SLC6A19: variants seen among roughly 807,000 people sequenced by gnomAD.
The protein encoded by SLC6A19 is solute carrier family 6 member 19, also known as sodium-dependent neutral amino acid transporter B(0)AT1.
In SLC6A19, 67 loss-of-function variants were observed where a neutral mutation model predicts 68.3. The observed-to-expected ratio is 0.98, with a 90% CI of 0.81 to 1.20. The LOEUF (loss-of-function observed/expected upper bound fraction) is 1.20, where lower values mean the gene tolerates loss of function less well. SLC6A19 is among the 50% of genes most tolerant of loss of function. SLC6A19 has a pLI of 0.00. For missense variants in SLC6A19, 813 were observed against 851.6 expected (o/e 0.95, Z 0.56); for synonymous variants, 392 against 374.9 (o/e 1.05, Z -0.53).
At chr5:1,219,763 G>C in intron 10 of SLC6A19, 99 bp downstream of exon 10, 1 of 1,536,070 alleles carries the variant, frequency 6.5e-7, no homozygotes, top group Non-Finnish European at 8.9e-7. Flanking sequence ...GGGTACGGAG[G>C]GAGAGTCTAT....
At chr5:1,211,483 G>C (rs1446720418) in intron 3 of SLC6A19, among the ~76,000 whole-genome samples, 1 of 152,232 alleles carries the variant, frequency 6.6e-6, no homozygotes, top group African/African-American at 2.4e-5. Flanking sequence ...TGAGGCCCAG[G>C]GTGCACCTGA....
rs1198673728 is a variant in SLC6A19 at position 1,212,935 on chromosome 5, C to G, written c.663+451C>G. Reference sequence around the variant, plus strand: ...CCGGCAGCCTGTGAGGCCCTGTCCCCGTTCCCACTCGTCCCACATGCCCCC... The same window carrying G: ...CCGGCAGCCTGTGAGGCCCTGTCCCGGTTCCCACTCGTCCCACATGCCCCC... On this transcript the variant is annotated intron_variant, in intron 4 of 11. Transcript: ENST00000304460. This position sits in a 1 kb window ranked among gnomAD's most constrained non-coding sequence, Gnocchi z 5.1. Among the ~76,000 whole-genome samples the G allele has an allele frequency of 6.6e-6, 1 of 151,824 alleles. No homozygotes were observed. The highest frequency in any genetic ancestry group is 1.9e-4 in the East Asian group (1 of 5,164).
In SLC6A19 at chr5:1,201,620, C is replaced by T. The variant is rs761298426; in HGVS notation, c.-31C>T. 1.1e-4 allele frequency: 171 copies of T among 1,592,970 alleles called. No homozygotes were observed. In the East Asian group the frequency reaches 2.6e-3, roughly 24 times the overall value. ...ACTCGCCCTCCAGCTTCTGCCCTGC[C>T]TGCTGTGTGCGGAGCCGTCCAGCGA... On this transcript the variant is annotated 5_prime_UTR_variant, in exon 1 of 12. Coordinates refer to ENST00000304460, the MANE Select transcript of SLC6A19 (RefSeq NM_001003841.3).
chr5:1,201,959 C>G, intron 1 of SLC6A19, 107 bp downstream of exon 1: 2 of 1,397,332 alleles, frequency 1.4e-6, no homozygotes, highest in Non-Finnish European at 1.9e-6. Flanking sequence ...TCCCCAAGCA[C>G]GGAGGGGAGA....
chr5:1,210,211 C>T (rs374726080), intron 2 of SLC6A19, among the ~76,000 whole-genome samples: 3 of 65,650 alleles, frequency 4.6e-5, no homozygotes, highest in African/African-American at 7.3e-5. Context: ...GCCGGGAAGG[C>T]GTGTGCAGGG....
intron 8 of SLC6A19, 93 bp downstream of exon 8, chr5:1,217,038 C>T (rs1028463409): frequency 3.8e-6 from 6 of 1,587,832 alleles, no homozygotes; most frequent in Admixed American, 1.7e-5. Flanking sequence ...CTGTGGAGGA[C>T]GCAGATGCTG....
chr5:1,219,124 G>T lies in SLC6A19; in HGVS notation c.1378+17G>T. 1 of 1,602,142 alleles carries T rather than the reference G, an allele frequency of 6.2e-7. No homozygotes were observed. Among genetic ancestry groups the T allele is most frequent in the African/African-American group, 1.3e-5 (1 of 74,832 alleles). On this transcript the variant is annotated intron_variant, in intron 9 of 11. Coordinates refer to ENST00000304460, the MANE Select transcript of SLC6A19 (RefSeq NM_001003841.3). ...TGCTCACAGGTACGTGTGCAGTCGG[G>T]AGGGGTCCCCATGGCAATGGTGCCA...
chr5:1,222,725 A>G lies in SLC6A19; in HGVS notation c.*821A>G, dbSNP rs1338518965. 1 of 160,112 alleles carries G rather than the reference A, an allele frequency of 6.2e-6. No homozygotes were observed. The highest frequency in any genetic ancestry group is 2.4e-5 in the African/African-American group (1 of 41,646). The allele number at this position is 160,112 out of a possible 1,614,324, so 9.9% of individuals were successfully genotyped here. On this transcript the variant is annotated 3_prime_UTR_variant, in exon 12 of 12. Transcript: ENST00000304460. ...GACACACATATGGACACGTGTGGAT[A>G]TGTGTGCGTACACGTCGCTGGGACA...
rs557938085 is a variant in SLC6A19, at chr5:1,221,980, G to A, written c.*76G>A. 6.5e-5 allele frequency: 98 copies of A among 1,515,534 alleles called. No homozygotes were observed. Among genetic ancestry groups the A allele is most frequent in the South Asian group, 5.5e-4 (47 of 84,910 alleles). The allele number at this position is 1,515,534 out of a possible 1,614,324, so 93.9% of individuals were successfully genotyped here. A position where few individuals can be genotyped will look rare whatever the true frequency, so the allele number is the denominator to read the frequency against. On this transcript the variant is annotated 3_prime_UTR_variant, in exon 12 of 12. Coordinates refer to ENST00000304460, the MANE Select transcript of SLC6A19 (RefSeq NM_001003841.3). Reference sequence around the variant, plus strand: ...CAGCAAGACCTGTGGGGTGGGGGCCGGGCTGCACCTGCATGTGTGTAAGCG... The same window carrying A: ...CAGCAAGACCTGTGGGGTGGGGGCCAGGCTGCACCTGCATGTGTGTAAGCG...
Position 1,214,457 on chromosome 5 carries a change from A to T in SLC6A19, c.887+392A>T, listed in dbSNP as rs73032885. On this transcript the variant is annotated intron_variant, in intron 6 of 11. Transcript: ENST00000304460. This position sits in a 1 kb window ranked among gnomAD's most constrained non-coding sequence, Gnocchi z 7.4. ...CCTCCACGTCCCCGACCAAGGTCTG[A>T]TCCTTCCACTGCCCCTTCCCCACGT... 0.077 allele frequency among the ~76,000 whole-genome samples: 11,656 copies of T among 152,152 alleles called. 1,336 individuals are homozygous for T. The highest frequency in any genetic ancestry group is 0.25 in the African/African-American group (10,427 of 41,472).
chr5:1,221,251 C>CTCT lies in SLC6A19; in HGVS notation c.1648_1650dup (p.Phe550dup). ...CCCCCTGCTCATGCTGATCATCTTC[C>CTCT]TCTTCTTCTTCGTGGTAGAGGTCAG... On this transcript the variant is annotated inframe_insertion, in exon 11 of 12. Transcript: ENST00000304460. The CTCT allele has an allele frequency of 1.2e-6, 2 of 1,614,156 alleles. No individual in the cohort carries two copies. The highest frequency in any genetic ancestry group is 2.2e-5 in the East Asian group (1 of 44,884).
rs202217098 is a variant in SLC6A19, at chr5:1,213,971, C to T, written c.793C>T (p.Pro265Ser). The change falls in exon 6 of 12, where the codon CCG becomes TCG. Residue 265 changes from proline (P) to serine (S), a missense_variant. Physicochemically the swap from Pro to Ser is moderately conservative, Grantham distance 74. Coordinates refer to ENST00000304460, the MANE Select transcript of SLC6A19 (RefSeq NM_001003841.3). ...FTPNVTELAQ[P>S]DTWLDAGAQV... is the part of the protein sequence containing the mutation. ...GGCGCAGGTCACGGAGCTGGCCCAG[C>T]CGGACACCTGGCTGGACGCGGGCGC... The T allele has an allele frequency of 5.6e-6, 9 of 1,613,450 alleles. 1 individual carries two copies. The Middle Eastern group carries it at 4.9e-4, about 89-fold the overall frequency.
At position 1,201,820 on chromosome 5, in the gene SLC6A19, G is replaced by C. The variant is rs146608591; in HGVS notation, c.170G>C (p.Arg57Pro). The change falls in exon 1 of 12, where the codon CGC becomes CCC. Residue 57 changes from arginine to proline, a missense_variant. Coordinates refer to ENST00000304460, the MANE Select transcript of SLC6A19 (RefSeq NM_001003841.3). ...GFCVGLGNVWRFPYLCQSHGG... is the reference protein window; with the variant it reads ...GFCVGLGNVWPFPYLCQSHGG... ...TGCGTGGGCCTCGGCAACGTGTGGC[G>C]CTTCCCCTACCTGTGTCAGAGCCAC... The C allele has an allele frequency of 6.8e-6, 11 of 1,611,828 alleles. No homozygotes were observed. Among genetic ancestry groups the C allele is most frequent in the Middle Eastern group, 1.6e-4 (1 of 6,078 alleles).
At chr5:1,205,198 G>A (rs13170093) in intron 1 of SLC6A19, among the ~76,000 whole-genome samples, 11 of 152,198 alleles carry the variant, frequency 7.2e-5, no homozygotes, top group African/African-American at 9.7e-5. Flanking sequence ...GCAGAGCCAC[G>A]CAGTGTTCCC....
At chr5:1,201,946 G>A (rs747515133) in intron 1 of SLC6A19, 94 bp downstream of exon 1, 134 of 1,447,910 alleles carry the variant, frequency 9.3e-5, no homozygotes, top group African/African-American at 3.9e-4. Context: ...CCGGACCCTC[G>A]GCTCCCCAAG....
Position 1,212,416 on chromosome 5 carries a change from C to T in SLC6A19, c.595C>T (p.Leu199=), listed in dbSNP as rs550182623. The T allele has an allele frequency of 1.2e-4, 187 of 1,612,652 alleles. 4 individuals carry two copies. The South Asian group carries it at 1.7e-3, about 15-fold the overall frequency. Residue 199 remains leucine (L), a synonymous_variant, in exon 4 of 12, where the codon CTG becomes TTG. Coordinates refer to ENST00000304460, the MANE Select transcript of SLC6A19 (RefSeq NM_001003841.3). The surrounding 1 kb of genome is among the most constrained non-coding windows in gnomAD (Gnocchi z 5.1). The stretch of plus-strand genomic sequence containing the variant: ...GGGCTCCATCCAGTGGTGGATGCTG[C>T]TGTGCCTGGCCTGCGCATGGAGCGT... ...DSGSIQWWML[L]CLACAWSVLY... is the part of the protein sequence containing the mutation.
intron 1 of SLC6A19, among the ~76,000 whole-genome samples, chr5:1,204,451 G>A (rs1376869567): frequency 6.6e-6 from 1 of 152,240 alleles, no homozygotes; most frequent in African/African-American, 2.4e-5. Flanking sequence ...CAGGTGTGCA[G>A]GAACAGCAAC....
At position 1,212,363 on chromosome 5, in the gene SLC6A19, T is replaced by C; in HGVS notation, c.542T>C (p.Leu181Pro). 6.2e-7 allele frequency: 1 copy of C among 1,613,482 alleles called. No homozygotes were observed. The highest frequency in any genetic ancestry group is 2.2e-5 in the East Asian group (1 of 44,880). ...GACTACTTCTGGTACCGAGAGACGC[T>C]CAACATCTCCACGTCCATCAGCGAC... ...PVDYFWYRET[L>P]NISTSISDSG... is the part of the protein sequence containing the mutation. Residue 181 changes from leucine (L) to proline (P), a missense_variant, in exon 4 of 12, where the codon CTC (leucine) becomes CCC (proline). Transcript: ENST00000304460. The surrounding 1 kb of genome is among the most constrained non-coding windows in gnomAD (Gnocchi z 5.1).
Position 1,221,362 on chromosome 5 carries a change from G to T in SLC6A19, c.1701+49G>T, listed in dbSNP as rs187159577. ...GGGTGGGGAGAGGAATGGGGAAGGGGAAAGGAGGACACTCATCCACACACA... is the reference window on the plus strand; with the variant it reads ...GGGTGGGGAGAGGAATGGGGAAGGGTAAAGGAGGACACTCATCCACACACA... On this transcript the variant is annotated intron_variant, in intron 11 of 11. Coordinates refer to ENST00000304460, the MANE Select transcript of SLC6A19 (RefSeq NM_001003841.3). 185 of 1,603,528 alleles carry T rather than the reference G, an allele frequency of 1.2e-4. No homozygotes were observed. In the Middle Eastern group the frequency reaches 1.2e-3, roughly 10 times the overall value.
Sources: allele counts gnomAD v4.1 joint callset (sites outside exome capture counted in the v4.1 genomes callset), GRCh38; gene constraint gnomAD v4.1.1; non-coding constraint Gnocchi (gnomAD v3.1); transcripts MANE v1.5; gene names NCBI Gene and HGNC (gene_info 2026-07-23, HGNC 2026-07-21).